The following PARP4 variants were observed in gnomAD, a reference collection of about 807,000 sequenced individuals.
PARP4 encodes the protein protein mono-ADP-ribosyltransferase PARP4.
A neutral mutation model predicts 187.7 loss-of-function variants in PARP4; 120 were observed. The ratio of observed to expected loss-of-function variants is 0.64; its 90% CI spans 0.55 to 0.74. The LOEUF is 0.74. Ranked by LOEUF, PARP4 falls within the 30% of genes least tolerant of loss-of-function variation. The pLI is 0.00. For synonymous variants in PARP4, 654 were observed against 740.9 expected (o/e 0.88, Z 1.90); for missense variants, 1,836 against 2,070.5 (o/e 0.89, Z 2.20).
intron 7 of PARP4, 95 bp downstream of exon 7, chr13:24,494,478 C>A (rs1025468491): frequency 8.8e-7 from 1 of 1,133,008 alleles, no homozygotes; most frequent in Non-Finnish European, 1.3e-6. Context: ...CAGGCATGAG[C>A]CACGAAGCCT....
At chr13:24,474,097 T>C (rs1344748881) in intron 15 of PARP4, among the ~76,000 whole-genome samples, 1 of 152,208 alleles carries the variant, frequency 6.6e-6, no homozygotes, top group Non-Finnish European at 1.5e-5. Context: ...CCTGCCCTCC[T>C]GTGACTTTGA....
rs774344296 is a variant in PARP4, at chr13:24,455,113, C to G, written c.2662G>C (p.Glu888Gln). ...TTGGCTTGCAAGAATGTCACACCCT[C>G]CATGGAACTGGAGCAGTCAAGACAA... ...IICLDCSSSMEGVTFLQAKQI... is the reference protein window; with the variant it reads ...IICLDCSSSMQGVTFLQAKQI... The change falls in exon 22 of 34, where the codon GAG (glutamate) becomes CAG (glutamine). Residue 888 changes from glutamate (E) to glutamine (Q), a missense_variant. By Grantham distance (29) the Glu-to-Gln change is conservative. Transcript: ENST00000381989. 8 of 1,613,372 alleles carry G rather than the reference C, an allele frequency of 5.0e-6. No individual in the cohort carries two copies. The East Asian group carries it at 1.3e-4, about 27-fold the overall frequency.
chr13:24,486,919 G>A (rs759987547), intron 10 of PARP4, among the ~76,000 whole-genome samples: 2 of 150,884 alleles, frequency 1.3e-5, no homozygotes, highest in East Asian at 2.0e-4. Context: ...CCGAGATCGC[G>A]CCACTGCACT....
intron 4 of PARP4, 111 bp from the exon 5 acceptor site, chr13:24,499,487 T>C (rs1169188667): frequency 5.0e-6 from 4 of 801,390 alleles, no homozygotes; most frequent in African/African-American, 3.6e-5. Flanking sequence ...ATAGATTCCT[T>C]ACAAAACACA....
At chr13:24,502,645 A>G (rs1467407779) in intron 2 of PARP4, among the ~76,000 whole-genome samples, 1 of 152,242 alleles carries the variant, frequency 6.6e-6, no homozygotes, top group East Asian at 1.9e-4. Flanking sequence ...GTTTATGTAC[A>G]TTGACTTCCA....
Position 24,452,495 on chromosome 13 carries a change from C to T in PARP4, c.2925G>A (p.Val975=). The T allele has an allele frequency of 6.2e-7, 1 of 1,614,152 alleles. No individual in the cohort carries two copies. Among genetic ancestry groups the T allele is most frequent in the Non-Finnish European group, 8.5e-7 (1 of 1,179,996 alleles). The change falls in exon 24 of 34, where the codon GTG becomes GTA. Residue 975 remains valine, a synonymous_variant. Coordinates refer to ENST00000381989, the MANE Select transcript of PARP4 (RefSeq NM_006437.4). ...PARGSRNILL[V]SDGHLQDESL... ...TCTCATCCTGGAGGTGCCCATCAGACACCAGGAGGATGTTCCGTGACCCTC... is the reference window on the plus strand; with the variant it reads ...TCTCATCCTGGAGGTGCCCATCAGATACCAGGAGGATGTTCCGTGACCCTC...
At chr13:24,457,770 C>CAAAAAAAAAAAAAAAAAAAAAAAAAAAAA (rs33930012) in intron 20 of PARP4, among the ~76,000 whole-genome samples, 1 of 85,666 alleles carries the variant, frequency 1.2e-5, no homozygotes, top group African/African-American at 5.0e-5. Flanking sequence ...GACTCTGTCT[C>CAAAAAAAAAAAAAAAAAAAAAAAAAAAAA]AAAAAAAAAA....
chr13:24,501,896 T>C, intron 2 of PARP4, 62 bp from the exon 3 acceptor site: 3 of 1,015,300 alleles, frequency 3.0e-6, no homozygotes. Context: ...ATAAGATATT[T>C]GTATCTGTAA....
chr13:24,424,214 T>C lies in PARP4; in HGVS notation c.4979+2252A>G, dbSNP rs74398061. 3.9e-3 allele frequency among the ~76,000 whole-genome samples: 596 copies of C among 152,348 alleles called. 4 individuals are homozygous for C. Among genetic ancestry groups the C allele is most frequent in the African/African-American group, 0.013 (558 of 41,592 alleles). ...AATTATCAATATTTCTTTAATATCATAAAATATCCAGGTAGTGTTTAATTT... is the reference window on the plus strand; with the variant it reads ...AATTATCAATATTTCTTTAATATCACAAAATATCCAGGTAGTGTTTAATTT... On this transcript the variant is annotated intron_variant, in intron 33 of 33. Coordinates refer to ENST00000381989, the MANE Select transcript of PARP4 (RefSeq NM_006437.4).
intron 1 of PARP4, among the ~76,000 whole-genome samples, chr13:24,505,246 T>C (rs961938172): frequency 1.3e-5 from 2 of 151,950 alleles, no homozygotes; most frequent in East Asian, 3.9e-4. Flanking sequence ...CCTACAGAAG[T>C]AGGGGACCAG....
chr13:24,510,541 G>A (rs1196687280), intron 1 of PARP4, among the ~76,000 whole-genome samples: 25 of 107,314 alleles, frequency 2.3e-4, no homozygotes, highest in Middle Eastern at 6.6e-3. Flanking sequence ...GCGACAGAGC[G>A]AGACTCCGTC....
chr13:24,498,403 G>A (rs371113573), intron 5 of PARP4, among the ~76,000 whole-genome samples, 174 bp from the exon 6 acceptor site: 1 of 152,146 alleles, frequency 6.6e-6, no homozygotes, highest in African/African-American at 2.4e-5. Context: ...AGAGCAATAC[G>A]ATCACTATTA....
intron 27 of PARP4, 151 bp downstream of exon 27, chr13:24,446,530 T>C (rs1345022276): frequency 3.3e-6 from 2 of 601,640 alleles, no homozygotes; most frequent in Non-Finnish European, 5.9e-6. Context: ...AATTTCATAA[T>C]GTTTTAAGAA....
intron 20 of PARP4, among the ~76,000 whole-genome samples, chr13:24,457,448 C>G (rs2039853597): frequency 6.6e-6 from 1 of 152,134 alleles, no homozygotes; most frequent in Non-Finnish European, 1.5e-5. Context: ...AGTGTCCATG[C>G]AACGGGCCTG....
Position 24,447,059 on chromosome 13 carries a change from T to C in PARP4, c.3242A>G (p.Asn1081Ser). 3 of 1,607,062 alleles carry C rather than the reference T, an allele frequency of 1.9e-6. No individual in the cohort carries two copies. The highest frequency in any genetic ancestry group is 1.1e-5 in the South Asian group (1 of 90,136). The change falls in exon 26 of 34, where the codon AAT (asparagine) becomes AGT (serine). Residue 1081 changes from asparagine to serine, a missense_variant. This residue lies in a region of PARP4 where 56 missense variants were observed against 103.7 expected (regional missense o/e 0.54). Transcript: ENST00000381989. The part of the protein sequence containing the change: ...APAQVPSLFL[N>S]DRLLVYGFIP... ...GAATCCATAGACAAGGAGTCGATCA[T>C]TGAGAAACAAGGACGGCACCTGGGC...
intron 6 of PARP4, among the ~76,000 whole-genome samples, chr13:24,496,058 A>G (rs1189205629): frequency 6.6e-6 from 1 of 150,902 alleles, no homozygotes. Flanking sequence ...TTTCTTTCTC[A>G]ATGAAGAAAA....
At chr13:24,499,183 C>G (rs1157868347) in intron 5 of PARP4, 118 bp downstream of exon 5, 1 of 1,048,532 alleles carries the variant, frequency 9.5e-7, no homozygotes, top group Non-Finnish European at 1.3e-6. Context: ...ATATGATATT[C>G]AGGATATGCA....
At chr13:24,492,636 T>C (rs753693770) in intron 8 of PARP4, 42 bp from the exon 9 acceptor site, 3 of 1,507,308 alleles carry the variant, frequency 2.0e-6, no homozygotes, top group Non-Finnish European at 2.7e-6. Flanking sequence ...GAAATCTCAA[T>C]ACAGAAATTA....
At chr13:24,440,388 ACT>A (rs1276638155) in intron 30 of PARP4, among the ~76,000 whole-genome samples, 15 of 139,806 alleles carry the variant, frequency 1.1e-4, no homozygotes, top group African/African-American at 3.5e-4. Flanking sequence ...ACAGAGCGAG[ACT>A]CTATCTCAAA....
Sources: allele counts gnomAD v4.1 joint callset (sites outside exome capture counted in the v4.1 genomes callset), GRCh38; gene constraint gnomAD v4.1.1; regional missense constraint gnomAD v4.1.1; transcripts MANE v1.5; gene names NCBI Gene and HGNC (gene_info 2026-07-23, HGNC 2026-07-21).